NCALD: variants seen among roughly 807,000 people sequenced by gnomAD.
The protein encoded by NCALD is neurocalcin-delta.
NCALD carries 10 observed loss-of-function variants against 18.6 expected under a neutral mutation model. The ratio of observed to expected loss-of-function variants is 0.54; its 90% confidence interval spans 0.33 to 0.91. NCALD has a LOEUF of 0.91. Ranked by LOEUF, NCALD falls within the 40% of genes least tolerant of loss-of-function variation. The pLI is 0.03. For missense variants in NCALD, 184 were observed against 247.6 expected (o/e 0.74, Z 1.72); for synonymous variants, 88 against 87.4 (o/e 1.01, Z -0.04).
At chr8:101,760,189 C>A (rs939262951) in intron 1 of NCALD, among the ~76,000 whole-genome samples, 1 of 152,176 alleles carries the variant, frequency 6.6e-6, no homozygotes, top group Non-Finnish European at 1.5e-5. Flanking sequence ...CAATTTGTCA[C>A]GCCAAGAACA....
At chr8:101,895,076 A>G (rs1339410367) in intron 3 of NCALD, among the ~76,000 whole-genome samples, 3 of 150,510 alleles carry the variant, frequency 2.0e-5, no homozygotes, top group African/African-American at 7.5e-5. Flanking sequence ...AGAATTTTAT[A>G]CCAATATCCT....
At chr8:102,057,045 C>A (rs1205665821) in intron 1 of NCALD, among the ~76,000 whole-genome samples, 1 of 152,104 alleles carries the variant, frequency 6.6e-6, no homozygotes, top group African/African-American at 2.4e-5. Context: ...TCCTAACAAC[C>A]CTTATGATCA....
intron 1 of NCALD, among the ~76,000 whole-genome samples, chr8:101,783,852 TG>T (rs1023428395): frequency 7.2e-5 from 11 of 152,354 alleles, no homozygotes; most frequent in African/African-American, 2.6e-4. Flanking sequence ...ATTTGTAATT[TG>T]GTTGGTAACA....
intron 2 of NCALD, among the ~76,000 whole-genome samples, chr8:101,945,621 T>A (rs1444965219): frequency 3.9e-5 from 6 of 152,144 alleles, no homozygotes; most frequent in Admixed American, 3.3e-4. Flanking sequence ...TAGGTAAAAA[T>A]GCTTATGCTG....
rs759233809 is a variant in NCALD, at chr8:101,719,372, G to A, written c.258C>T (p.Ile86=). The change falls in exon 2 of 4, where the codon ATC becomes ATT. Residue 86 remains isoleucine, a synonymous_variant. Coordinates refer to ENST00000220931, the MANE Select transcript of NCALD (RefSeq NM_032041.3). ...GDGTIDFREF[I]IALSVTSRGK... is the part of the protein sequence containing the mutation. Reference sequence around the variant, plus strand: ...CCCTCGAAGTTACACTCAAGGCGATGATGAATTCTCTAAAGTCTATTGTCC... The same window carrying A: ...CCCTCGAAGTTACACTCAAGGCGATAATGAATTCTCTAAAGTCTATTGTCC... 70 of 1,614,102 alleles carry A rather than the reference G, an allele frequency of 4.3e-5. No individual in the cohort carries two copies. Among genetic ancestry groups the A allele is most frequent in the Non-Finnish European group, 2.5e-6 (3 of 1,180,052 alleles).
In NCALD at chr8:101,753,303, G is replaced by A. The variant is rs533795567; in HGVS notation, c.-19-33655C>T. ...AGAAGAGAGAGAAGGAATCAAGAGCGTAGATGGGAGATATTGAGAACCTGG... is the reference window on the plus strand; with the variant it reads ...AGAAGAGAGAGAAGGAATCAAGAGCATAGATGGGAGATATTGAGAACCTGG... On this transcript the variant is annotated intron_variant, in intron 1 of 3. Coordinates refer to ENST00000220931, the MANE Select transcript of NCALD (RefSeq NM_032041.3). Among the ~76,000 whole-genome samples the A allele has an allele frequency of 9.9e-5, 15 of 152,278 alleles. No homozygotes were observed. In the East Asian group the frequency reaches 2.5e-3, roughly 25 times the overall value.
chr8:101,979,990 G>C (rs964596342), intron 2 of NCALD, among the ~76,000 whole-genome samples: 1 of 152,116 alleles, frequency 6.6e-6, no homozygotes, highest in Non-Finnish European at 1.5e-5. Flanking sequence ...TAGGGTGGTG[G>C]TGGTCCTGTG....
intron 1 of NCALD, among the ~76,000 whole-genome samples, chr8:102,064,464 A>C (rs1235869717): frequency 6.6e-6 from 1 of 152,122 alleles, no homozygotes; most frequent in Admixed American, 6.5e-5. Flanking sequence ...CCACAACACC[A>C]CTGGGCCCAA....
intron 1 of NCALD, among the ~76,000 whole-genome samples, chr8:102,045,479 A>G (rs1823206262): frequency 6.6e-6 from 1 of 152,242 alleles, no homozygotes; most frequent in Non-Finnish European, 1.5e-5. Context: ...GCATTTTCCA[A>G]ATAAAAAATA....
chr8:101,736,606 C>T (rs1809926148), intron 1 of NCALD, among the ~76,000 whole-genome samples: 1 of 152,180 alleles, frequency 6.6e-6, no homozygotes, highest in Non-Finnish European at 1.5e-5. Flanking sequence ...TTTCCAGGCC[C>T]AGCCAATAGG....
chr8:101,927,764 C>T (rs1181119960), intron 2 of NCALD, among the ~76,000 whole-genome samples: 1 of 152,106 alleles, frequency 6.6e-6, no homozygotes, highest in African/African-American at 2.4e-5. Context: ...GAAGTGTCCT[C>T]CCAGCTCCGT....
At chr8:101,780,840 A>T (rs1429786735) in intron 1 of NCALD, among the ~76,000 whole-genome samples, 1 of 152,194 alleles carries the variant, frequency 6.6e-6, no homozygotes, top group Non-Finnish European at 1.5e-5. Flanking sequence ...AGTGTCTTTT[A>T]GTTAACCTGT....
At chr8:101,717,113 A>C (rs1347650217) in intron 2 of NCALD, among the ~76,000 whole-genome samples, 2 of 152,234 alleles carry the variant, frequency 1.3e-5, no homozygotes, top group Admixed American at 1.3e-4. Flanking sequence ...TGTTATAGCC[A>C]CCAGAGGGGA....
At chr8:101,762,116 G>A (rs545620802) in intron 1 of NCALD, among the ~76,000 whole-genome samples, 1 of 152,224 alleles carries the variant, frequency 6.6e-6, no homozygotes, top group South Asian at 2.1e-4. Flanking sequence ...CTTAGTCTCT[G>A]TTAAATCAGC....
At chr8:101,889,786 C>A (rs913871398) in intron 3 of NCALD, among the ~76,000 whole-genome samples, 1 of 152,144 alleles carries the variant, frequency 6.6e-6, no homozygotes, top group African/African-American at 2.4e-5. Context: ...ATCCACCTGG[C>A]TATTACAAGA....
intron 1 of NCALD, among the ~76,000 whole-genome samples, chr8:102,030,957 T>TAAAAAAAA (rs35761403): frequency 3.9e-4 from 58 of 147,162 alleles, no homozygotes; most frequent in African/African-American, 1.7e-4. Context: ...TGATAAATGA[T>TAAAAAAAA]AAAAAAAAAA....
chr8:101,693,815 T>C (rs1814860710), intron 2 of NCALD: 1 of 152,224 alleles, frequency 6.6e-6, no homozygotes, highest in Non-Finnish European at 1.5e-5. Context: ...CCAGTGCTTT[T>C]CTCCCTGTGT....
At chr8:101,857,118 T>C (rs543949445) in intron 4 of NCALD, among the ~76,000 whole-genome samples, 2 of 152,334 alleles carry the variant, frequency 1.3e-5, no homozygotes, top group East Asian at 1.9e-4. Context: ...GAACCAAGCA[T>C]TGCTACCATA....
chr8:101,815,512 CCAAA>C (rs1331591536), intron 4 of NCALD, among the ~76,000 whole-genome samples: 1 of 152,070 alleles, frequency 6.6e-6, no homozygotes, highest in Non-Finnish European at 1.5e-5. Context: ...AGATATCTCA[CCAAA>C]CAAGATATGC....
Sources: gnomAD v4.1 joint callset for allele counts (sites outside exome capture counted in the v4.1 genomes callset) on GRCh38, gnomAD v4.1.1 for gene constraint, MANE v1.5 for transcripts, NCBI Gene and HGNC (gene_info 2026-07-23, HGNC 2026-07-21) for gene names.